CNTN5: variants seen among roughly 807,000 people sequenced by gnomAD.
The protein encoded by CNTN5 is contactin-5.
In CNTN5, 77 loss-of-function variants were observed where a neutral mutation model predicts 129.1. The ratio of observed to expected loss-of-function variants is 0.60; its 90% CI spans 0.50 to 0.72. The LOEUF (loss-of-function observed/expected upper bound fraction) is 0.72, where lower values mean the gene tolerates loss of function less well. CNTN5 is among the 30% of genes least tolerant of loss of function. The probability of loss-of-function intolerance (pLI) is 0.00; values close to 1 mark genes in which losing one functional copy is unlikely to be tolerated. For missense variants in CNTN5, 1,478 were observed against 1,328.8 expected, an observed-to-expected ratio of 1.11 and a Z score of -1.75; for synonymous variants, 509 against 465.6, an observed-to-expected ratio of 1.09 and a Z score of -1.20.
At chr11:99,107,616 A>G (rs112502092) in intron 1 of CNTN5, among the ~76,000 whole-genome samples, 3 of 152,050 alleles carry the variant, frequency 2.0e-5, no homozygotes, top group African/African-American at 4.8e-5. Flanking sequence ...GCAGAAAAAA[A>G]AATCTGGGAC....
chr11:100,214,258 G>A (rs1030657532), intron 15 of CNTN5, among the ~76,000 whole-genome samples: 4 of 152,026 alleles, frequency 2.6e-5, no homozygotes, highest in East Asian at 1.9e-4. Context: ...GCCAATATGC[G>A]TATTCCATAG....
chr11:100,203,792 G>A (rs910333536), intron 15 of CNTN5, among the ~76,000 whole-genome samples: 1 of 31,020 alleles, frequency 3.2e-5, no homozygotes, highest in Non-Finnish European at 6.1e-5. Flanking sequence ...TTACATAAAT[G>A]TGCACGTACA....
chr11:99,925,609 G>T (rs1327857384), intron 7 of CNTN5, among the ~76,000 whole-genome samples: 1 of 152,162 alleles, frequency 6.6e-6, no homozygotes, highest in East Asian at 1.9e-4. Context: ...GTATTGGTTA[G>T]AGTAGAGCAA....
chr11:99,827,795 T>TAATC (rs147607936), intron 4 of CNTN5, among the ~76,000 whole-genome samples: 23,309 of 152,110 alleles, frequency 0.15, 1,901 homozygotes, highest in Non-Finnish European at 0.17. Flanking sequence ...ATGTTAACAG[T>TAATC]AATCAGAATG....
intron 2 of CNTN5, among the ~76,000 whole-genome samples, chr11:99,502,288 C>T (rs1946452377): frequency 6.6e-6 from 1 of 152,070 alleles, no homozygotes; most frequent in East Asian, 1.9e-4. Context: ...TCAAATATTG[C>T]TATTTTTTTC....
At position 99,895,642 on chromosome 11, in the gene CNTN5, G is replaced by A. The variant is rs1949185432; in HGVS notation, c.578-20412G>A. Among the ~76,000 whole-genome samples the A allele has an allele frequency of 3.3e-5, 5 of 152,168 alleles. No individual in the cohort carries two copies. The South Asian group carries it at 1.0e-3, about 32-fold the overall frequency. ...GAGGAAAGCTCCCTAAGTTGGGAAA[G>A]TGAGTGGGGGAAGAGTGAGTGAGTA... is the stretch of plus-strand genomic sequence containing the variant. On this transcript the variant is annotated intron_variant, in intron 6 of 24. Coordinates refer to ENST00000524871, the MANE Select transcript of CNTN5 (RefSeq NM_014361.4).
chr11:100,337,359 C>G, intron 21 of CNTN5: 1 of 823,330 alleles, frequency 1.2e-6, no homozygotes, highest in Admixed American at 1.7e-5. Context: ...CACATGATCA[C>G]AAAGCGAACA....
intron 4 of CNTN5, among the ~76,000 whole-genome samples, chr11:99,822,201 A>G (rs993321866): frequency 6.6e-6 from 1 of 152,208 alleles, no homozygotes; most frequent in Non-Finnish European, 1.5e-5. Flanking sequence ...AAAGATTTTT[A>G]TGAAAAATAT....
At chr11:99,173,131 T>G (rs556184967) in intron 1 of CNTN5, among the ~76,000 whole-genome samples, 28 of 152,200 alleles carry the variant, frequency 1.8e-4, no homozygotes, top group African/African-American at 6.3e-4. Flanking sequence ...TCCCTATAAT[T>G]TAATCGTCTC....
intron 3 of CNTN5, among the ~76,000 whole-genome samples, chr11:99,653,162 A>AAT (rs1483813866): frequency 6.6e-6 from 1 of 152,002 alleles, no homozygotes; most frequent in Non-Finnish European, 1.5e-5. Context: ...GGTAAGGGAA[A>AAT]ATATTTATTT....
intron 10 of CNTN5, 135 bp downstream of exon 10, chr11:100,061,528 G>T: frequency 1.6e-6 from 1 of 614,586 alleles, no homozygotes; most frequent in South Asian, 2.6e-5. Context: ...TCATTCGTAT[G>T]GTAAGGCATC....
intron 1 of CNTN5, among the ~76,000 whole-genome samples, chr11:99,197,158 C>T (rs1858943793): frequency 6.6e-6 from 1 of 151,792 alleles, no homozygotes; most frequent in African/African-American, 2.4e-5. Flanking sequence ...CATACAACAC[C>T]ACAAAGTTCT....
At chr11:100,301,709 A>G (rs1251311231) in intron 20 of CNTN5, among the ~76,000 whole-genome samples, 5 of 151,672 alleles carry the variant, frequency 3.3e-5, no homozygotes, top group Non-Finnish European at 1.5e-5. Flanking sequence ...AAAGAAAAGC[A>G]TTAACCTGAG....
At chr11:99,501,459 TC>T (rs1289553204) in intron 2 of CNTN5, among the ~76,000 whole-genome samples, 6 of 152,232 alleles carry the variant, frequency 3.9e-5, no homozygotes, top group African/African-American at 1.4e-4. Context: ...GTGAGTCCTT[TC>T]CCAACTAAGT....
chr11:100,216,499 G>A (rs533112273), intron 15 of CNTN5, among the ~76,000 whole-genome samples: 1 of 151,954 alleles, frequency 6.6e-6, no homozygotes, highest in Admixed American at 6.6e-5. Flanking sequence ...TTCCACTAAA[G>A]CTGTGTTATT....
At chr11:100,097,489 G>A (rs1259357721) in intron 13 of CNTN5, among the ~76,000 whole-genome samples, 15 of 152,078 alleles carry the variant, frequency 9.9e-5, no homozygotes, top group South Asian at 6.2e-4. Flanking sequence ...GTTAGCAAAA[G>A]TGAAAAAAAC....
At chr11:100,043,823 A>G (rs1241823019) in intron 9 of CNTN5, among the ~76,000 whole-genome samples, 1 of 151,290 alleles carries the variant, frequency 6.6e-6, no homozygotes, top group Non-Finnish European at 1.5e-5. Flanking sequence ...TATTTGGATC[A>G]TTTGATTCAG....
chr11:99,934,941 TATATATACAC>T (rs1474517477), intron 7 of CNTN5, among the ~76,000 whole-genome samples: 36 of 84,676 alleles, frequency 4.3e-4, no homozygotes, highest in African/African-American at 2.1e-3. Context: ...TATATATATA[TATATATACAC>T]ACACATATAT....
At chr11:99,852,476 C>T (rs1206033155) in intron 6 of CNTN5, among the ~76,000 whole-genome samples, 3 of 152,152 alleles carry the variant, frequency 2.0e-5, no homozygotes, top group African/African-American at 7.2e-5. Flanking sequence ...GATACCCAGC[C>T]TAATTTTATA....
Sources: gnomAD v4.1 joint callset for allele counts (sites outside exome capture counted in the v4.1 genomes callset) on GRCh38, gnomAD v4.1.1 for gene constraint, MANE v1.5 for transcripts, NCBI Gene and HGNC (gene_info 2026-07-23, HGNC 2026-07-21) for gene names.